The following CNTNAP3B variants were observed in gnomAD, a reference collection of about 807,000 sequenced individuals.
CNTNAP3B encodes contactin-associated protein-like 3B.
In CNTNAP3B, 25 loss-of-function variants were observed where a neutral mutation model predicts 108.9. The observed-to-expected ratio is 0.23, with a 90% CI of 0.17 to 0.32. The LOEUF (loss-of-function observed/expected upper bound fraction) is 0.32, where lower values mean the gene tolerates loss of function less well. CNTNAP3B is among the 10% of genes least tolerant of loss of function. The pLI, the probability that CNTNAP3B is intolerant of heterozygous loss-of-function variation, is 1.00. For missense variants in CNTNAP3B, 252 were observed against 1,210.4 expected (o/e 0.21, Z 11.75); for synonymous variants, 103 against 473.4 (o/e 0.22, Z 10.16).
intron 3 of CNTNAP3B, among the ~76,000 whole-genome samples, chr9:42,033,211 T>C (rs1271330555): frequency 7.0e-6 from 1 of 142,854 alleles, no homozygotes; most frequent in Non-Finnish European, 1.5e-5. Flanking sequence ...TGGTCACTAT[T>C]GTTGGTTAAT....
intron 1 of CNTNAP3B, among the ~76,000 whole-genome samples, chr9:42,113,321 C>G (rs920103418): frequency 7.3e-6 from 1 of 137,538 alleles, no homozygotes; most frequent in Non-Finnish European, 1.5e-5. Flanking sequence ...TGATCTTGTT[C>G]TCTTTCCTTT....
At chr9:41,919,169 C>CT (rs1429950145) in intron 18 of CNTNAP3B, among the ~76,000 whole-genome samples, 2 of 151,986 alleles carry the variant, frequency 1.3e-5, no homozygotes, top group African/African-American at 4.8e-5. Flanking sequence ...GAGTCTCACT[C>CT]TGTCGCCCAG....
intron 13 of CNTNAP3B, among the ~76,000 whole-genome samples, chr9:41,948,354 A>C (rs1262441071): frequency 6.6e-6 from 1 of 152,316 alleles, no homozygotes; most frequent in Non-Finnish European, 1.5e-5. Context: ...AGCCTCCCAA[A>C]GTGCTGGGAT....
chr9:41,934,122 T>TATATATAC lies in CNTNAP3B; in HGVS notation c.2237+4121_2237+4122insGTATATAT, dbSNP rs1214326050. The stretch of plus-strand genomic sequence containing the variant: ...TTACATATATATATATATATATATA[T>TATATATAC]ACACACACATATATATATACACACA... On this transcript the variant is annotated intron_variant, in intron 14 of 23. Transcript: ENST00000377561. 6.3e-4 allele frequency among the ~76,000 whole-genome samples: 46 copies of TATATATAC among 73,456 alleles called. 2 individuals are homozygous for TATATATAC. Among genetic ancestry groups the TATATATAC allele is most frequent in the African/African-American group, 2.6e-3 (45 of 17,056 alleles). 48.2% of individuals were successfully genotyped at this position (73,456 alleles called of 152,430 possible).
chr9:41,997,774 C>T lies in CNTNAP3B; in HGVS notation c.743-22G>A. The T allele has an allele frequency of 2.9e-6, 4 of 1,358,142 alleles. No individual in the cohort carries two copies. The South Asian group carries it at 4.0e-5, about 13-fold the overall frequency. 84.1% of individuals were successfully genotyped at this position (1,358,142 alleles called of 1,614,324 possible). A position where few individuals can be genotyped will look rare whatever the true frequency, so the allele number is the denominator to read the frequency against. Reference sequence around the variant, plus strand: ...TTGCCTTAAAGGAGAAGGAAAAAAACAGTTATTTCTGTTCAAAATCACGGC... The same window carrying T: ...TTGCCTTAAAGGAGAAGGAAAAAAATAGTTATTTCTGTTCAAAATCACGGC... On this transcript the variant is annotated intron_variant, in intron 5 of 23. Coordinates refer to ENST00000377561, the MANE Select transcript of CNTNAP3B (RefSeq NM_001201380.3).
intron 2 of CNTNAP3B, among the ~76,000 whole-genome samples, chr9:42,096,201 T>C (rs71512013): frequency 2.2e-5 from 3 of 139,028 alleles, no homozygotes; most frequent in Admixed American, 1.4e-4. Context: ...CACTACACAC[T>C]TGAGAGTGCC....
chr9:41,926,067 T>C (rs1330153166), intron 15 of CNTNAP3B, among the ~76,000 whole-genome samples: 6 of 152,288 alleles, frequency 3.9e-5, no homozygotes. Context: ...CTCTCTTCTA[T>C]GTGTATTCTA....
chr9:42,127,949 C>G (rs1391141587), intron 1 of CNTNAP3B, among the ~76,000 whole-genome samples: 1 of 139,544 alleles, frequency 7.2e-6, no homozygotes, highest in East Asian at 2.2e-4. Flanking sequence ...TCTAAATTTC[C>G]AAACATGGCC....
At chr9:41,954,414 A>T (rs1824794106) in intron 12 of CNTNAP3B, among the ~76,000 whole-genome samples, 1 of 152,276 alleles carries the variant, frequency 6.6e-6, no homozygotes, top group Non-Finnish European at 1.5e-5. Context: ...AACAACAGAG[A>T]TCAGAGGAAA....
Position 42,034,188 on chromosome 9 carries a change from A to C in CNTNAP3B, c.391-20663T>G. 1.5e-5 allele frequency among the ~76,000 whole-genome samples: 2 copies of C among 132,484 alleles called. 1 individual carries two copies. The highest frequency in any genetic ancestry group is 1.5e-4 in the Admixed American group (2 of 13,302). The allele number at this position is 132,484 out of a possible 152,430, so 86.9% of individuals were successfully genotyped here. On this transcript the variant is annotated intron_variant, in intron 3 of 23. Coordinates refer to ENST00000377561, the MANE Select transcript of CNTNAP3B (RefSeq NM_001201380.3). ...TCTATATGTATGTATGTATATATGT[A>C]TCTATCTATCTATCTATCTATCTAT...
intron 13 of CNTNAP3B, among the ~76,000 whole-genome samples, chr9:41,939,821 A>T (rs1824279376): frequency 6.6e-6 from 1 of 152,220 alleles, no homozygotes; most frequent in Non-Finnish European, 1.5e-5. Context: ...GAACTTCTAG[A>T]CTGATAAAAG....
rs1437730754 is a variant in CNTNAP3B, at chr9:41,945,864, T to C, written c.2080+7319A>G. Among the ~76,000 whole-genome samples, 242 of 151,744 alleles carry C rather than the reference T, an allele frequency of 1.6e-3. 1 individual carries two copies. The highest frequency in any genetic ancestry group is 5.3e-3 in the African/African-American group (217 of 41,130). ...ACTGAAATCCTCTTTAAATATAAAA[T>C]AGCGGGTAGATTTGAAGAGCTAGAG... On this transcript the variant is annotated intron_variant, in intron 13 of 23. Coordinates refer to ENST00000377561, the MANE Select transcript of CNTNAP3B (RefSeq NM_001201380.3).
intron 13 of CNTNAP3B, among the ~76,000 whole-genome samples, chr9:41,950,948 G>A (rs569307222): frequency 1.4e-5 from 2 of 144,144 alleles, no homozygotes; most frequent in African/African-American, 5.2e-5. Flanking sequence ...GTAGAGACGG[G>A]GTTTCATCGT....
rs1675170690 is a variant in CNTNAP3B, at chr9:42,016,738, T to C, written c.391-3213A>G. Among the ~76,000 whole-genome samples, 5 of 151,974 alleles carry C rather than the reference T, an allele frequency of 3.3e-5. No individual in the cohort carries two copies. The South Asian group carries it at 1.0e-3, about 31-fold the overall frequency. On this transcript the variant is annotated intron_variant, in intron 3 of 23. Coordinates refer to ENST00000377561, the MANE Select transcript of CNTNAP3B (RefSeq NM_001201380.3). ...AATAGTTTTTGGAAGCCATAGTCCT[T>C]CAAATTCTTTTCTGTCTTAGCAGGC... is the stretch of plus-strand genomic sequence containing the variant.
intron 13 of CNTNAP3B, among the ~76,000 whole-genome samples, chr9:41,952,377 T>G (rs1313006888): frequency 4.6e-5 from 7 of 152,182 alleles, no homozygotes; most frequent in African/African-American, 7.2e-5. Flanking sequence ...GCTCCAGTGA[T>G]CCTCCCGCCT....
chr9:41,964,819 T>C, intron 10 of CNTNAP3B, among the ~76,000 whole-genome samples, 175 bp from the exon 11 acceptor site: 1 of 152,362 alleles, frequency 6.6e-6, no homozygotes, highest in East Asian at 1.9e-4. Flanking sequence ...TAGATAAATA[T>C]ATCCATTAGC....
chr9:41,977,387 CTTAT>C (rs1199247997), intron 9 of CNTNAP3B, among the ~76,000 whole-genome samples: 1 of 142,182 alleles, frequency 7.0e-6, no homozygotes, highest in Non-Finnish European at 1.5e-5. Context: ...GATATATTGG[CTTAT>C]TTGTTTTTTG....
intron 1 of CNTNAP3B, among the ~76,000 whole-genome samples, chr9:42,122,794 C>T (rs1296265118): frequency 7.8e-6 from 1 of 128,462 alleles, no homozygotes; most frequent in South Asian, 2.7e-4. Flanking sequence ...AAATACTGTT[C>T]TCTTTGTATT....
At chr9:41,966,364 T>A (rs113751809) in intron 10 of CNTNAP3B, among the ~76,000 whole-genome samples, 1 of 149,222 alleles carries the variant, frequency 6.7e-6, no homozygotes, top group Admixed American at 6.6e-5. Flanking sequence ...CTAGAGACTA[T>A]CAACATGTAT....
Sources: allele counts gnomAD v4.1 joint callset (sites outside exome capture counted in the v4.1 genomes callset), GRCh38; gene constraint gnomAD v4.1.1; transcripts MANE v1.5; gene names NCBI Gene and HGNC (gene_info 2026-07-23, HGNC 2026-07-21).